IGF2BP3: variants seen among roughly 807,000 people sequenced by gnomAD.
IGF2BP3 encodes the protein insulin-like growth factor 2 mRNA-binding protein 3.
A neutral mutation model predicts 73.8 loss-of-function variants in IGF2BP3; 9 were observed. That is an observed-to-expected ratio of 0.12 (90% confidence interval 0.07 to 0.21). The LOEUF (loss-of-function observed/expected upper bound fraction) is 0.21, where lower values mean the gene tolerates loss of function less well. IGF2BP3 is among the 10% of genes least tolerant of loss of function. IGF2BP3 has a pLI of 1.00. For synonymous variants in IGF2BP3, 258 were observed against 256.7 expected (o/e 1.01, Z -0.05); for missense variants, 542 against 714.0 (o/e 0.76, Z 2.75).
chr7:23,313,681 GTCAT>G, intron 12 of IGF2BP3, 28 bp from the exon 13 acceptor site: 2 of 1,606,982 alleles, frequency 1.2e-6, no homozygotes, highest in Non-Finnish European at 1.7e-6. Flanking sequence ...TCCTATTAGT[GTCAT>G]TCATGTATGA....
intron 2 of IGF2BP3, among the ~76,000 whole-genome samples, chr7:23,435,958 T>A (rs1787800277): frequency 6.6e-6 from 1 of 151,934 alleles, no homozygotes; most frequent in Admixed American, 6.6e-5. Flanking sequence ...GGTTTTACCA[T>A]GTTGGCCAGG....
In IGF2BP3 at chr7:23,312,404, C is replaced by CTGT; in HGVS notation, c.1695_1697dup (p.Gln566dup). On this transcript the variant is annotated inframe_insertion, in exon 15 of 15. Coordinates refer to ENST00000258729, the MANE Select transcript of IGF2BP3 (RefSeq NM_006547.3). The stretch of plus-strand genomic sequence containing the variant: ...GAGGTGGTCCACTTTGCAGAGCCTT[C>CTGT]TGTTGTTGGTGCTGCTTTACCTGAG... The CTGT allele has an allele frequency of 1.9e-6, 3 of 1,613,750 alleles. No individual in the cohort carries two copies. The highest frequency in any genetic ancestry group is 2.5e-6 in the Non-Finnish European group (3 of 1,179,984).
At chr7:23,395,185 T>A (rs1054083851) in intron 3 of IGF2BP3, among the ~76,000 whole-genome samples, 3 of 152,332 alleles carry the variant, frequency 2.0e-5, no homozygotes, top group East Asian at 1.9e-4. Context: ...AAAGTTTTTT[T>A]AATAAGAAAT....
intron 11 of IGF2BP3, among the ~76,000 whole-genome samples, chr7:23,318,279 G>A (rs1361936679): frequency 6.6e-6 from 1 of 152,178 alleles, no homozygotes; most frequent in African/African-American, 2.4e-5. Flanking sequence ...CTGGAGTGCA[G>A]TGGTGTGATC....
intron 2 of IGF2BP3, among the ~76,000 whole-genome samples, chr7:23,446,603 G>A (rs1462807092): frequency 6.6e-6 from 1 of 152,108 alleles, no homozygotes; most frequent in Non-Finnish European, 1.5e-5. Context: ...ATAAAGAGAA[G>A]TAGAAAGCCA....
intron 2 of IGF2BP3, among the ~76,000 whole-genome samples, chr7:23,460,161 C>T (rs988394451): frequency 1.7e-5 from 2 of 115,322 alleles, no homozygotes; most frequent in South Asian, 3.0e-4. Flanking sequence ...CCTGGGCAAC[C>T]GTGCGAGACC....
At chr7:23,411,984 C>CTTTTTTTT (rs767524257) in intron 3 of IGF2BP3, among the ~76,000 whole-genome samples, 9 of 104,826 alleles carry the variant, frequency 8.6e-5, no homozygotes, top group East Asian at 2.5e-4. Flanking sequence ...ACTTATTTCT[C>CTTTTTTTT]TTTTTTTTTT....
chr7:23,418,644 G>T, intron 3 of IGF2BP3, 132 bp downstream of exon 3: 1 of 539,178 alleles, frequency 1.9e-6, no homozygotes, highest in Non-Finnish European at 3.3e-6. Flanking sequence ...CCACACCAAG[G>T]CACGGGTCAT....
intron 2 of IGF2BP3, among the ~76,000 whole-genome samples, chr7:23,430,338 G>A (rs550320951): frequency 1.3e-5 from 2 of 152,100 alleles, no homozygotes; most frequent in East Asian, 1.9e-4. Context: ...CCGCCTCGGC[G>A]GGATTACAGG....
intron 11 of IGF2BP3, 59 bp from the exon 12 acceptor site, chr7:23,317,772 G>A: frequency 1.5e-6 from 2 of 1,362,378 alleles, no homozygotes; most frequent in Non-Finnish European, 2.1e-6. Context: ...AGGCATCTTG[G>A]GCCAACCAGC....
At position 23,313,533 on chromosome 7, in the gene IGF2BP3, CT is replaced by C; in HGVS notation, c.1515del (p.Gly506GlufsTer5). On this transcript the variant is annotated frameshift_variant, in exon 13 of 15. Transcript: ENST00000258729. LOFTEE classifies it high-confidence loss of function. ...PSFAAGRVIG[K>X]GGKTVNELQN... ...GCTGAAGTACTTGCCGTTTTGCCTC[CT>C]TTTCCAATAACTCTGCCAGCAGCAA... 6.2e-7 allele frequency: 1 copy of C among 1,613,980 alleles called. No homozygotes were observed.
chr7:23,394,804 C>T (rs771034528), intron 3 of IGF2BP3: 9 of 152,162 alleles, frequency 5.9e-5, no homozygotes, highest in Non-Finnish European at 8.8e-5. Flanking sequence ...GAAAGGTTTG[C>T]TTGTTTAGTT....
At chr7:23,399,017 T>G (rs1340139835) in intron 3 of IGF2BP3, among the ~76,000 whole-genome samples, 1 of 152,210 alleles carries the variant, frequency 6.6e-6, no homozygotes, top group Non-Finnish European at 1.5e-5. Flanking sequence ...TGCCTACGTT[T>G]TCTTCTAGGG....
chr7:23,330,514 T>C (rs1401511940), intron 10 of IGF2BP3, among the ~76,000 whole-genome samples: 4 of 152,116 alleles, frequency 2.6e-5, no homozygotes, highest in Non-Finnish European at 5.9e-5. Context: ...TTTTGCGTAG[T>C]TGGCAAAAGC....
intron 2 of IGF2BP3, among the ~76,000 whole-genome samples, chr7:23,440,463 C>A (rs1455661178): frequency 6.6e-6 from 1 of 152,156 alleles, no homozygotes; most frequent in Non-Finnish European, 1.5e-5. Context: ...TTTGAAAAAT[C>A]ATCATAAACT....
At chr7:23,363,426 C>T (rs383419) in intron 3 of IGF2BP3, among the ~76,000 whole-genome samples, 7,444 of 151,012 alleles carry the variant, frequency 0.049, 312 homozygotes, top group South Asian at 0.11. Flanking sequence ...TTAAGTTTTT[C>T]GTAGAGATGA....
At chr7:23,431,602 C>G (rs1221090177) in intron 2 of IGF2BP3, among the ~76,000 whole-genome samples, 1 of 151,548 alleles carries the variant, frequency 6.6e-6, no homozygotes, top group African/African-American at 2.4e-5. Context: ...AAAAAGAATG[C>G]CAGATTCTAG....
chr7:23,456,175 CAAAG>C (rs1157102843), intron 2 of IGF2BP3, among the ~76,000 whole-genome samples: 1 of 151,738 alleles, frequency 6.6e-6, no homozygotes, highest in African/African-American at 2.4e-5. Flanking sequence ...CTTAACTCTC[CAAAG>C]AAAGAGCAAG....
intron 3 of IGF2BP3, among the ~76,000 whole-genome samples, chr7:23,370,738 T>C (rs1785517738): frequency 6.6e-6 from 1 of 152,008 alleles, no homozygotes; most frequent in Admixed American, 6.6e-5. Context: ...TGTGCAGCAG[T>C]GTGATCTCAG....
Sources: allele counts gnomAD v4.1 joint callset (sites outside exome capture counted in the v4.1 genomes callset), GRCh38; gene constraint gnomAD v4.1.1; transcripts MANE v1.5; gene names NCBI Gene and HGNC (gene_info 2026-07-23, HGNC 2026-07-21).